Variants in SAAL1 observed in about 807,000 individuals in gnomAD.
SAAL1 encodes serum amyloid A like 1, also known as protein SAAL1.
A neutral mutation model predicts 59.8 loss-of-function variants in SAAL1; 42 were observed. That is an observed-to-expected ratio of 0.70 (90% CI 0.55 to 0.91). The LOEUF is 0.91. Among genes scored for constraint, SAAL1 ranks in the 40% least tolerant of loss-of-function variants. The probability of loss-of-function intolerance (pLI) is 0.00; values close to 1 mark genes in which losing one functional copy is unlikely to be tolerated. For missense variants in SAAL1, 542 were observed against 561.1 expected, an observed-to-expected ratio of 0.97 and a Z score of 0.34; for synonymous variants, 191 against 194.3, an observed-to-expected ratio of 0.98 and a Z score of 0.14.
At chr11:18,105,073 TATATA>T (rs1590294267) in intron 1 of SAAL1, among the ~76,000 whole-genome samples, 1 of 152,192 alleles carries the variant, frequency 6.6e-6, no homozygotes, top group Admixed American at 6.5e-5. Flanking sequence ...AATAACCTTA[TATATA>T]ATATAAATAT....
intron 7 of SAAL1, 87 bp downstream of exon 7, chr11:18,089,243 T>C: frequency 4.3e-6 from 5 of 1,175,432 alleles, no homozygotes; most frequent in Non-Finnish European, 5.9e-6. Context: ...TATTCTGTTG[T>C]AAGGAATATA....
Position 18,083,664 on chromosome 11 carries a change from T to A in SAAL1, c.1110A>T (p.Pro370=). The A allele has an allele frequency of 6.2e-7, 1 of 1,612,366 alleles. No homozygotes were observed. The highest frequency in any genetic ancestry group is 8.5e-7 in the Non-Finnish European group (1 of 1,178,790). ...LQNMEQCQKK[P]ENSAESNTEE... is the part of the protein sequence containing the mutation. ...CTGTGTTAGACTCTGCCGAGTTCTC[T>A]GGTTTTTTCTGACACTGTTCCATAT... The change falls in exon 10 of 12, where the codon CCA becomes CCT. Residue 370 remains proline (P), a synonymous_variant. Transcript: ENST00000524803.
rs1218333381 is a variant in SAAL1 at position 18,089,320 on chromosome 11, G to A, written c.770+10C>T. The A allele has an allele frequency of 1.3e-6, 2 of 1,533,710 alleles. No individual in the cohort carries two copies. The highest frequency in any genetic ancestry group is 2.4e-5 in the Admixed American group (1 of 41,296). ...TTCCCAGAACATTTTACACAAAAGA[G>A]CTCACCTACCGTACTTGTTTGGCAG... On this transcript the variant is annotated intron_variant, in intron 7 of 11. Transcript: ENST00000524803.
chr11:18,085,072 C>T (rs1238032736), intron 9 of SAAL1, among the ~76,000 whole-genome samples: 1 of 152,136 alleles, frequency 6.6e-6, no homozygotes, highest in African/African-American at 2.4e-5. Context: ...GGCTGTAAAA[C>T]ATATATCTTA....
intron 6 of SAAL1, 87 bp from the exon 7 acceptor site, chr11:18,089,597 A>G: frequency 8.2e-7 from 1 of 1,224,616 alleles, no homozygotes; most frequent in Non-Finnish European, 1.1e-6. Flanking sequence ...TATTCTAAGA[A>G]AACCAAATCT....
chr11:18,103,362 G>A lies in SAAL1; in HGVS notation c.136-16C>T. On this transcript the variant is annotated splice_polypyrimidine_tract_variant and intron_variant, in intron 1 of 11. Transcript: ENST00000524803. ...GGCTAACAATCTTCAGAAACACAAA[G>A]AAAGAAAACATGAATAAAAGTTGTC... 1 of 1,577,624 alleles carries A rather than the reference G, an allele frequency of 6.3e-7. No homozygotes were observed. The highest frequency in any genetic ancestry group is 8.7e-7 in the Non-Finnish European group (1 of 1,147,926).
intron 1 of SAAL1, among the ~76,000 whole-genome samples, chr11:18,103,908 T>C (rs1021821852): frequency 6.6e-6 from 1 of 152,216 alleles, no homozygotes; most frequent in African/African-American, 2.4e-5. Flanking sequence ...TTTGTAAACA[T>C]TTATTCCTTG....
chr11:18,097,444 T>C (rs562483362), intron 2 of SAAL1, among the ~76,000 whole-genome samples: 1 of 152,332 alleles, frequency 6.6e-6, no homozygotes, highest in South Asian at 2.1e-4. Context: ...CGAATCTATT[T>C]ACCTTAATAA....
At chr11:18,086,756 T>A (rs1848467842) in intron 9 of SAAL1, 110 bp downstream of exon 9, 1 of 540,222 alleles carries the variant, frequency 1.9e-6, no homozygotes, top group South Asian at 8.4e-5. Context: ...TAAAATAAAT[T>A]TTTGAAGTTT....
chr11:18,087,224 A>C lies in SAAL1; in HGVS notation c.772T>G (p.Ser258Ala), dbSNP rs759450805. The C allele has an allele frequency of 6.2e-7, 1 of 1,604,056 alleles. No homozygotes were observed. Among genetic ancestry groups the C allele is most frequent in the South Asian group, 1.1e-5 (1 of 90,826 alleles). The change falls in exon 8 of 12, where the codon TCT becomes GCT. Residue 258 changes from serine (S) to alanine (A), a missense_variant and splice_region_variant. Coordinates refer to ENST00000524803, the MANE Select transcript of SAAL1 (RefSeq NM_138421.3). ...CILEAAKQVR[S>A]ENPEWLDVYM... Reference sequence around the variant, plus strand: ...ACATCAAGCCATTCTGGATTTTCAGAACTAAATAGGAAAAGTAAAAGCACT... The same window carrying C: ...ACATCAAGCCATTCTGGATTTTCAGCACTAAATAGGAAAAGTAAAAGCACT...
Position 18,087,214 on chromosome 11 carries a change from GGATT to G in SAAL1, c.778_781del (p.Asn260GlnfsTer63). The G allele has an allele frequency of 6.2e-7, 1 of 1,610,340 alleles. No homozygotes were observed. Among genetic ancestry groups the G allele is most frequent in the Non-Finnish European group, 8.5e-7 (1 of 1,176,788 alleles). On this transcript the variant is annotated frameshift_variant, in exon 8 of 12. Coordinates refer to ENST00000524803, the MANE Select transcript of SAAL1 (RefSeq NM_138421.3). LOFTEE classifies it high-confidence loss of function. ...GTGCATGTAAACATCAAGCCATTCT[GGATT>G]TTCAGAACTAAATAGGAAAAGTAAA...
At chr11:18,092,436 G>A in intron 3 of SAAL1, 112 bp from the exon 4 acceptor site, 1 of 711,746 alleles carries the variant, frequency 1.4e-6, no homozygotes, top group Non-Finnish European at 2.5e-6. Context: ...AAGGCGGAGG[G>A]GAGGCAGGAT....
chr11:18,096,077 T>C (rs556992173), intron 3 of SAAL1, among the ~76,000 whole-genome samples: 92 of 152,218 alleles, frequency 6.0e-4, no homozygotes, highest in African/African-American at 2.2e-3. Context: ...CAAGCAATGG[T>C]GGATTTTGTC....
In SAAL1 at chr11:18,092,508, T is replaced by C. The variant is rs1230608020; in HGVS notation, c.334-184A>G. Among the ~76,000 whole-genome samples the C allele has an allele frequency of 2.0e-5, 3 of 152,192 alleles. No homozygotes were observed. In the East Asian group the frequency reaches 5.8e-4, roughly 29 times the overall value. On this transcript the variant is annotated intron_variant, in intron 3 of 11. Coordinates refer to ENST00000524803, the MANE Select transcript of SAAL1 (RefSeq NM_138421.3). ...CAAGCTTACAGTATTTGAGAAGGGA[T>C]GAAAAACGTAAGAACAAGAAAGGGC...
At chr11:18,089,545 C>G in intron 6 of SAAL1, 35 bp from the exon 7 acceptor site, 1 of 1,578,650 alleles carries the variant, frequency 6.3e-7, no homozygotes, top group Non-Finnish European at 8.6e-7. Flanking sequence ...AAATGAAAAA[C>G]AAACTGCTAA....
chr11:18,085,885 G>GA (rs1198617792), intron 9 of SAAL1, among the ~76,000 whole-genome samples: 2 of 151,542 alleles, frequency 1.3e-5, no homozygotes, highest in South Asian at 2.1e-4. Context: ...ATCAAAGGGG[G>GA]AAAAAAAATT....
chr11:18,100,247 T>A (rs1193519942), intron 2 of SAAL1, among the ~76,000 whole-genome samples: 1 of 152,224 alleles, frequency 6.6e-6, no homozygotes, highest in Non-Finnish European at 1.5e-5. Flanking sequence ...AGAACACACA[T>A]GCTTTTTAAG....
chr11:18,101,351 G>C lies in SAAL1; in HGVS notation c.249+1882C>G, dbSNP rs1027118639. Among the ~76,000 whole-genome samples the C allele has an allele frequency of 5.3e-5, 8 of 152,252 alleles. No individual in the cohort carries two copies. In the East Asian group the frequency reaches 1.5e-3, roughly 29 times the overall value. The stretch of plus-strand genomic sequence containing the variant: ...TCCCCATAATCCCCACGTATCAAGG[G>C]CAAGACTAGGTGGAGGTAAGTGAAT... On this transcript the variant is annotated intron_variant, in intron 2 of 11. Coordinates refer to ENST00000524803, the MANE Select transcript of SAAL1 (RefSeq NM_138421.3).
In SAAL1 at chr11:18,103,247, T is replaced by C; in HGVS notation, c.235A>G (p.Met79Val). Residue 79 changes from methionine to valine, a missense_variant, in exon 2 of 12, where the codon ATG becomes GTG. Met to Val is a conservative substitution (Grantham distance 21). Transcript: ENST00000524803. ...CAGCCTCATACCTCATCCATTGACA[T>C]ATCCCATACTCTGCAAATTTCATTC... Reference protein sequence around the residue: ...MENEICRVWDMSMDEDVALFL... With the variant: ...MENEICRVWDVSMDEDVALFL... 6.2e-7 allele frequency: 1 copy of C among 1,609,610 alleles called. No individual in the cohort carries two copies. Among genetic ancestry groups the C allele is most frequent in the Non-Finnish European group, 8.5e-7 (1 of 1,175,944 alleles).
Sources: allele counts gnomAD v4.1 joint callset (sites outside exome capture counted in the v4.1 genomes callset), GRCh38; gene constraint gnomAD v4.1.1; transcripts MANE v1.5; gene names NCBI Gene and HGNC (gene_info 2026-07-23, HGNC 2026-07-21).